The following SCN9A variants were observed in gnomAD, a reference collection of about 807,000 sequenced individuals.
SCN9A encodes the protein sodium voltage-gated channel alpha subunit 9.
A neutral mutation model predicts 187.0 loss-of-function variants in SCN9A; 131 were observed. The ratio of observed to expected loss-of-function variants is 0.70; its 90% CI spans 0.61 to 0.81. The LOEUF is 0.81. Ranked by LOEUF, SCN9A falls within the 30% of genes least tolerant of loss-of-function variation. The probability of loss-of-function intolerance (pLI) is 0.00; values close to 1 mark genes in which losing one functional copy is unlikely to be tolerated. For synonymous variants in SCN9A, 809 were observed against 808.6 expected (o/e 1.00, Z -0.01); for missense variants, 2,252 against 2,396.6 (o/e 0.94, Z 1.26).
intron 1 of SCN9A, among the ~76,000 whole-genome samples, chr2:166,369,391 A>C (rs1196384398): frequency 6.6e-6 from 1 of 152,170 alleles, no homozygotes; most frequent in Admixed American, 6.5e-5. Flanking sequence ...GATGTAATAT[A>C]AATTTTGAAA....
intron 24 of SCN9A, among the ~76,000 whole-genome samples, chr2:166,221,232 C>T (rs1694571511): frequency 6.6e-6 from 1 of 152,088 alleles, no homozygotes; most frequent in Admixed American, 6.6e-5. Flanking sequence ...GCCCATACTA[C>T]CCTAAGTGAT....
At chr2:166,328,630 G>A (rs933905319) in intron 1 of SCN9A, among the ~76,000 whole-genome samples, 4 of 152,008 alleles carry the variant, frequency 2.6e-5, no homozygotes, top group Admixed American at 1.3e-4. Flanking sequence ...AAGTACTTTA[G>A]GCAGAAGGAA....
chr2:166,208,009 T>G (rs1381053422), intron 24 of SCN9A, among the ~76,000 whole-genome samples: 1 of 152,196 alleles, frequency 6.6e-6, no homozygotes, highest in Non-Finnish European at 1.5e-5. Context: ...CCTAATGATA[T>G]CCTGGTTGTC....
chr2:166,350,061 C>A (rs1699999209), intron 1 of SCN9A, among the ~76,000 whole-genome samples: 2 of 152,116 alleles, frequency 1.3e-5, no homozygotes, highest in South Asian at 4.1e-4. Context: ...CTTTTCTACT[C>A]CTGGTTCGTG....
At chr2:166,344,085 A>G (rs531203453) in intron 1 of SCN9A, among the ~76,000 whole-genome samples, 1 of 152,290 alleles carries the variant, frequency 6.6e-6, no homozygotes, top group South Asian at 2.1e-4. Context: ...TTTTACAGGA[A>G]TCCAAACTTT....
In SCN9A at chr2:166,236,077, C is replaced by G. The variant is rs1240624614; in HGVS notation, c.3801+2017G>C. ...ATTGTATAATTTTTTAAGAGAGAGACCCCGTCATATTTACAGTTTAAGAGA... is the reference window on the plus strand; with the variant it reads ...ATTGTATAATTTTTTAAGAGAGAGAGCCCGTCATATTTACAGTTTAAGAGA... On this transcript the variant is annotated intron_variant, in intron 20 of 26. Coordinates refer to ENST00000642356, the MANE Select transcript of SCN9A (RefSeq NM_001365536.1). Among the ~76,000 whole-genome samples the G allele has an allele frequency of 2.0e-5, 3 of 151,854 alleles. No individual in the cohort carries two copies. In the East Asian group the frequency reaches 5.8e-4, roughly 29 times the overall value.
chr2:166,370,406 C>T (rs958820987), intron 1 of SCN9A, among the ~76,000 whole-genome samples: 9 of 151,050 alleles, frequency 6.0e-5, no homozygotes, highest in Admixed American at 1.3e-4. Flanking sequence ...TAGCCGGGCA[C>T]GGTGGTAGGC....
In SCN9A at chr2:166,272,655, G is replaced by A; in HGVS notation, c.3095C>T (p.Thr1032Ile). 6.2e-7 allele frequency: 1 copy of A among 1,612,554 alleles called. No individual in the cohort carries two copies. The highest frequency in any genetic ancestry group is 1.7e-4 in the Middle Eastern group (1 of 6,050). ...GTTAGAAATATAGTTTTCCTTCTTA[G>A]TATTCAGATCTTCTGCTTGTCTTAT... ...REIRQAEDLN[T>I]KKENYISNHT... is the part of the protein sequence containing the mutation. The change falls in exon 17 of 27, where the codon ACT becomes ATT. Residue 1032 changes from threonine to isoleucine, a missense_variant. Coordinates refer to ENST00000642356, the MANE Select transcript of SCN9A (RefSeq NM_001365536.1).
chr2:166,367,215 C>T (rs188369589), intron 1 of SCN9A, among the ~76,000 whole-genome samples: 2 of 152,274 alleles, frequency 1.3e-5, no homozygotes, highest in African/African-American at 2.4e-5. Context: ...TGTGTAACTT[C>T]ATTCCCTGTT....
intron 1 of SCN9A, among the ~76,000 whole-genome samples, chr2:166,365,138 T>G (rs1295847695): frequency 5.9e-5 from 9 of 152,186 alleles, no homozygotes; most frequent in Admixed American, 5.9e-4. Flanking sequence ...AATTGTAATC[T>G]TTGTCTTATT....
At chr2:166,237,490 C>A (rs1695369310) in intron 20 of SCN9A, among the ~76,000 whole-genome samples, 2 of 152,166 alleles carry the variant, frequency 1.3e-5, no homozygotes, top group African/African-American at 4.8e-5. Flanking sequence ...AGATGAAGGG[C>A]AAGTCGCATA....
At chr2:166,334,382 A>G (rs999749776) in intron 1 of SCN9A, among the ~76,000 whole-genome samples, 1 of 152,096 alleles carries the variant, frequency 6.6e-6, no homozygotes. Context: ...CAGAAGAGGC[A>G]ACACTGTTCA....
rs183529634 is a variant in SCN9A, at chr2:166,286,239, A to C, written c.1602+97T>G. On this transcript the variant is annotated intron_variant, in intron 11 of 26. Transcript: ENST00000642356. ...TACCTAAAATCATACCAATGAAATC[A>C]CTCACTATCCTCTCCCGAGTTCTCT... 4.4e-6 allele frequency: 5 copies of C among 1,136,170 alleles called. 1 individual carries two copies. The highest frequency in any genetic ancestry group is 3.0e-4 in the Middle Eastern group (1 of 3,346). The allele number at this position is 1,136,170 out of a possible 1,614,324, so 70.4% of individuals were successfully genotyped here.
intron 1 of SCN9A, among the ~76,000 whole-genome samples, chr2:166,313,008 T>TTAAATAATATAGTTAATTTTCTG (rs138488726): frequency 8.3e-6 from 1 of 120,070 alleles, no homozygotes; most frequent in African/African-American, 2.8e-5. Context: ...ATTTTCTGAA[T>TTAAATAATATAGTTAATTTTCTG]AATTAAATAA....
chr2:166,258,120 T>C (rs1252659259), intron 17 of SCN9A, among the ~76,000 whole-genome samples: 1 of 151,438 alleles, frequency 6.6e-6, no homozygotes, highest in Non-Finnish European at 1.5e-5. Context: ...AACTAGATTA[T>C]AAAAAGGAGT....
intron 1 of SCN9A, among the ~76,000 whole-genome samples, chr2:166,316,324 G>T (rs958925699): frequency 2.0e-5 from 3 of 152,154 alleles, no homozygotes; most frequent in Admixed American, 6.6e-5. Flanking sequence ...CATTAGCAAA[G>T]ATTTTAACAA....
chr2:166,238,272 G>A lies in SCN9A; in HGVS notation c.3628-5C>T. 1 of 1,525,470 alleles carries A rather than the reference G, an allele frequency of 6.6e-7. No homozygotes were observed. The highest frequency in any genetic ancestry group is 8.8e-7 in the Non-Finnish European group (1 of 1,133,848). 94.5% of individuals were successfully genotyped at this position (1,525,470 alleles called of 1,614,324 possible). A position where few individuals can be genotyped will look rare whatever the true frequency, so the allele number is the denominator to read the frequency against. ...AATATAAATATCTTCAAAAGCCTGT[G>A]GAAATAATATTCAAGTTTCAATCAT... On this transcript the variant is annotated splice_polypyrimidine_tract_variant and splice_region_variant and intron_variant, in intron 19 of 26. Coordinates refer to ENST00000642356, the MANE Select transcript of SCN9A (RefSeq NM_001365536.1).
In SCN9A at chr2:166,199,346, C is replaced by T; in HGVS notation, c.5293G>A (p.Val1765Ile). The part of the protein sequence containing the change: ...YIAVILENFS[V>I]ATEESTEPLS... ...GGTTCAGTACTTTCTTCAGTGGCAA[C>T]ACTAAAATTCTCCAGTATGACTGCA... is the stretch of plus-strand genomic sequence containing the variant. The change falls in exon 27 of 27, where the codon GTT becomes ATT. Residue 1765 changes from valine (V) to isoleucine (I), a missense_variant. By Grantham distance (29) the Val-to-Ile change is conservative (BLOSUM62 3). Around this residue, in one of 7 missense-constraint regions of SCN9A, gnomAD observed 345 missense variants for 344.6 expected, o/e 1.00. Transcript: ENST00000642356. The T allele has an allele frequency of 6.2e-7, 1 of 1,614,160 alleles. No homozygotes were observed. The highest frequency in any genetic ancestry group is 8.5e-7 in the Non-Finnish European group (1 of 1,180,032).
At chr2:166,287,999 T>A (rs937781716) in intron 10 of SCN9A, among the ~76,000 whole-genome samples, 7 of 147,200 alleles carry the variant, frequency 4.8e-5, no homozygotes, top group Non-Finnish European at 8.9e-5. Context: ...AGATTATATA[T>A]ATATTATATA....
Sources: gnomAD v4.1 joint callset for allele counts (sites outside exome capture counted in the v4.1 genomes callset) on GRCh38, gnomAD v4.1.1 for gene constraint, gnomAD v4.1.1 regional missense constraint, MANE v1.5 for transcripts, NCBI Gene and HGNC (gene_info 2026-07-23, HGNC 2026-07-21) for gene names.